The following GRM7 variants were observed in gnomAD, a reference collection of about 807,000 sequenced individuals.
GRM7 encodes the protein metabotropic glutamate receptor 7.
A neutral mutation model predicts 84.5 loss-of-function variants in GRM7; 35 were observed. That is an observed-to-expected ratio of 0.41 (90% confidence interval 0.32 to 0.55). The LOEUF (loss-of-function observed/expected upper bound fraction) is 0.55. Ranked by LOEUF, GRM7 falls within the 20% of genes least tolerant of loss-of-function variation. The pLI is 0.19. For missense variants in GRM7, 1,003 were observed against 1,194.6 expected, an observed-to-expected ratio of 0.84 and a Z score of 2.36; for synonymous variants, 487 against 455.1, an observed-to-expected ratio of 1.07 and a Z score of -0.89.
intron 7 of GRM7, among the ~76,000 whole-genome samples, chr3:7,540,185 G>T (rs1355347612): frequency 6.6e-6 from 1 of 152,108 alleles, no homozygotes; most frequent in Non-Finnish European, 1.5e-5. Context: ...TTTTCAAAAT[G>T]TTAAAAATGG....
intron 2 of GRM7, among the ~76,000 whole-genome samples, chr3:7,265,528 T>C (rs143103544): frequency 3.3e-3 from 498 of 152,264 alleles, no homozygotes; most frequent in African/African-American, 0.011. Flanking sequence ...CACAGTTCTG[T>C]CATCCAGAGG....
chr3:7,413,124 A>G (rs1184444645), intron 4 of GRM7, among the ~76,000 whole-genome samples: 1 of 152,184 alleles, frequency 6.6e-6, no homozygotes, highest in Non-Finnish European at 1.5e-5. Context: ...CAAGATAGGT[A>G]GAATCTTTAG....
chr3:7,734,482 G>A (rs762121326), intron 9 of GRM7, among the ~76,000 whole-genome samples: 4 of 152,198 alleles, frequency 2.6e-5, no homozygotes, highest in South Asian at 4.1e-4. Context: ...AGTTCCTGGT[G>A]TTTAATATGT....
At chr3:6,923,096 C>A (rs1170045471) in intron 1 of GRM7, among the ~76,000 whole-genome samples, 1 of 151,956 alleles carries the variant, frequency 6.6e-6, no homozygotes, top group Non-Finnish European at 1.5e-5. Flanking sequence ...CTCATTGCAA[C>A]CTCTGCCCCC....
At chr3:7,490,849 A>G (rs948969943) in intron 7 of GRM7, among the ~76,000 whole-genome samples, 7 of 152,138 alleles carry the variant, frequency 4.6e-5, no homozygotes, top group African/African-American at 1.7e-4. Flanking sequence ...ATATATGTAA[A>G]TGCCATAAAG....
intron 4 of GRM7, among the ~76,000 whole-genome samples, chr3:7,365,647 G>GTATATATATATATATATATA (rs755999982): frequency 1.5e-4 from 20 of 130,036 alleles, no homozygotes; most frequent in South Asian, 4.8e-4. Flanking sequence ...GTGCGTGTGT[G>GTATATATATATATATATATA]TATATATATA....
intron 8 of GRM7, among the ~76,000 whole-genome samples, chr3:7,589,532 C>A (rs2125062032): frequency 6.6e-6 from 1 of 152,222 alleles, no homozygotes; most frequent in South Asian, 2.1e-4. Context: ...ACAGTAGAGG[C>A]AAGTTAATGG....
At chr3:7,531,584 G>C (rs926876925) in intron 7 of GRM7, among the ~76,000 whole-genome samples, 8 of 152,096 alleles carry the variant, frequency 5.3e-5, no homozygotes, top group African/African-American at 1.9e-4. Context: ...TTGTCAATGG[G>C]AGTTCACTCA....
At chr3:7,418,141 T>C (rs1254646532) in intron 5 of GRM7, among the ~76,000 whole-genome samples, 1 of 152,150 alleles carries the variant, frequency 6.6e-6, no homozygotes, top group East Asian at 1.9e-4. Flanking sequence ...ACCTAAAGTC[T>C]TAAAGAAAGG....
At chr3:7,385,891 A>G (rs1480383217) in intron 4 of GRM7, among the ~76,000 whole-genome samples, 2 of 152,206 alleles carry the variant, frequency 1.3e-5, no homozygotes, top group East Asian at 1.9e-4. Context: ...CAGCAATGAC[A>G]ATGAATGAAT....
intron 7 of GRM7, among the ~76,000 whole-genome samples, chr3:7,473,107 T>C (rs536629705): frequency 7.0e-4 from 106 of 152,276 alleles, no homozygotes; most frequent in African/African-American, 2.5e-3. Flanking sequence ...GATTGCTGAC[T>C]TCCTGAGAAA....
Position 7,236,222 on chromosome 3 carries a change from A to T in GRM7, c.737-62462A>T, listed in dbSNP as rs142915020. Among the ~76,000 whole-genome samples the T allele has an allele frequency of 8.5e-4, 130 of 152,312 alleles. 1 individual carries two copies. Among genetic ancestry groups the T allele is most frequent in the African/African-American group, 2.9e-3 (121 of 41,572 alleles). On this transcript the variant is annotated intron_variant, in intron 2 of 9. Transcript: ENST00000357716. ...CTATTGCATTGAGGGTTAAGTTTCA[A>T]CATGAATATTAGAGAGAAACATACA...
intron 2 of GRM7, among the ~76,000 whole-genome samples, chr3:7,213,045 A>G (rs893067453): frequency 2.0e-5 from 3 of 152,160 alleles, no homozygotes; most frequent in Non-Finnish European, 2.9e-5. Flanking sequence ...GATTTTTACC[A>G]TCCTGATTCT....
intron 7 of GRM7, among the ~76,000 whole-genome samples, chr3:7,524,200 A>G (rs1426534610): frequency 6.7e-6 from 1 of 150,156 alleles, no homozygotes; most frequent in Admixed American, 6.6e-5. Flanking sequence ...GGACATAGGC[A>G]TGGGCAAGGA....
intron 5 of GRM7, among the ~76,000 whole-genome samples, chr3:7,439,577 A>T (rs975943585): frequency 5.9e-5 from 9 of 152,192 alleles, no homozygotes; most frequent in Non-Finnish European, 1.2e-4. Flanking sequence ...GACCCTTCAC[A>T]GTTTGTGACA....
At chr3:6,873,097 G>A (rs772890445) in intron 1 of GRM7, among the ~76,000 whole-genome samples, 4 of 152,036 alleles carry the variant, frequency 2.6e-5, no homozygotes, top group East Asian at 3.9e-4. Flanking sequence ...TTGGGATGAC[G>A]GAGTCTTGCT....
chr3:6,919,990 A>G (rs1559329001), intron 1 of GRM7, among the ~76,000 whole-genome samples: 1 of 150,722 alleles, frequency 6.6e-6, no homozygotes, highest in African/African-American at 2.4e-5. Flanking sequence ...TTGCCATACA[A>G]TTTTTATAAA....
intron 7 of GRM7, among the ~76,000 whole-genome samples, chr3:7,513,091 G>A (rs1189771895): frequency 6.6e-6 from 1 of 152,190 alleles, no homozygotes; most frequent in Non-Finnish European, 1.5e-5. Context: ...TAGGAGTATT[G>A]CAGGACAGAC....
chr3:7,107,710 G>A (rs569201019), intron 1 of GRM7, among the ~76,000 whole-genome samples: 1 of 152,152 alleles, frequency 6.6e-6, no homozygotes, highest in South Asian at 2.1e-4. Flanking sequence ...TTGGCAGGAG[G>A]TGTTTTTCAA....
Sources: allele counts gnomAD v4.1 joint callset (sites outside exome capture counted in the v4.1 genomes callset), GRCh38; gene constraint gnomAD v4.1.1; transcripts MANE v1.5; gene names NCBI Gene and HGNC (gene_info 2026-07-23, HGNC 2026-07-21).